Variants in C10orf71 observed in about 807,000 individuals in gnomAD.
C10orf71 encodes the protein chromosome 10 open reading frame 71.
For synonymous variants in C10orf71, 758 were observed against 726.3 expected (o/e 1.04, Z -0.70); for missense variants, 1,869 against 1,804.5 (o/e 1.04, Z -0.65).
intron 1 of C10orf71, among the ~76,000 whole-genome samples, chr10:49,307,109 T>G (rs1848827684): frequency 6.6e-6 from 1 of 152,232 alleles, no homozygotes; most frequent in Non-Finnish European, 1.5e-5. Context: ...TGGGATCACA[T>G]GCTCTCCCTT....
At position 49,325,182 on chromosome 10, in the gene C10orf71, G is replaced by A. The variant is rs1564692286; in HGVS notation, c.2637G>A (p.Met879Ile). Reference sequence around the variant, plus strand: ...TCATGCTGCCTCTCCTGAGGACCATGTCCTTGGAGGACTCCCTCAGCAGTG... The same window carrying A: ...TCATGCTGCCTCTCCTGAGGACCATATCCTTGGAGGACTCCCTCAGCAGTG... ...KPIMLPLLRT[M>I]SLEDSLSSGH... Residue 879 changes from methionine (M) to isoleucine (I), a missense_variant, in exon 3 of 3, where the codon ATG becomes ATA. Transcript: ENST00000374144. 3 of 1,552,096 alleles carry A rather than the reference G, an allele frequency of 1.9e-6. No individual in the cohort carries two copies. The highest frequency in any genetic ancestry group is 1.2e-5 in the South Asian group (1 of 84,066).
Position 49,326,924 on chromosome 10 carries a change from AACAC to A in C10orf71, c.*106_*109del. 2.4e-3 allele frequency: 2,531 copies of A among 1,046,064 alleles called. 9 individuals are homozygous for A. The South Asian group carries it at 0.031, about 13-fold the overall frequency. The allele number at this position is 1,046,064 out of a possible 1,614,324, so 64.8% of individuals were successfully genotyped here. A position where few individuals can be genotyped will look rare whatever the true frequency, so the allele number is the denominator to read the frequency against. On this transcript the variant is annotated 3_prime_UTR_variant, in exon 3 of 3. Transcript: ENST00000374144. ...TACTTCCCCCTCCCCCAAAACAAGC[AACAC>A]ACACACACACACACACACACACACA...
At position 49,326,653 on chromosome 10, in the gene C10orf71, G is replaced by A. The variant is rs1849258898; in HGVS notation, c.4108G>A (p.Ala1370Thr). ...FLRQGPRASA[A>T]RARTQSVHES... Reference sequence around the variant, plus strand: ...CAGGCAGGGCCCTCGTGCCTCCGCGGCCCGCGCCAGGACCCAGAGTGTCCA... The same window carrying A: ...CAGGCAGGGCCCTCGTGCCTCCGCGACCCGCGCCAGGACCCAGAGTGTCCA... Residue 1370 changes from alanine to threonine, a missense_variant, in exon 3 of 3, where the codon GCC (alanine) becomes ACC (threonine). Transcript: ENST00000374144. 2.6e-6 allele frequency: 4 copies of A among 1,550,200 alleles called. No homozygotes were observed. The highest frequency in any genetic ancestry group is 3.5e-6 in the Non-Finnish European group (4 of 1,146,900).
chr10:49,310,253 G>A (rs1463970463), intron 1 of C10orf71, among the ~76,000 whole-genome samples: 1 of 152,216 alleles, frequency 6.6e-6, no homozygotes, highest in Admixed American at 6.5e-5. Context: ...ATGTCTGGGA[G>A]AACTCAGCTG....
At chr10:49,322,348 T>G in intron 2 of C10orf71, 54 bp from the exon 3 acceptor site, 1 of 571,760 alleles carries the variant, frequency 1.7e-6, no homozygotes, top group Non-Finnish European at 3.0e-6. Context: ...CCAGCACATA[T>G]TCTTGTGTAG....
At chr10:49,309,530 A>G (rs575593454) in intron 1 of C10orf71, among the ~76,000 whole-genome samples, 2 of 152,324 alleles carry the variant, frequency 1.3e-5, no homozygotes, top group East Asian at 3.9e-4. Context: ...CTAGCCTATG[A>G]TATTTTAGTT....
At position 49,322,575 on chromosome 10, in the gene C10orf71, C is replaced by G. The variant is rs79335650; in HGVS notation, c.30C>G (p.Asp10Glu). ...TGCAAGGAAATAAGAAGTGCACAGACGCGTTCAGCGACTCCTCCAGCATCG... is the reference window on the plus strand; with the variant it reads ...TGCAAGGAAATAAGAAGTGCACAGAGGCGTTCAGCGACTCCTCCAGCATCG... The part of the protein sequence containing the change: MMQGNKKCT[D>E]AFSDSSSIGS... Residue 10 changes from aspartate (D) to glutamate (E), a missense_variant, in exon 3 of 3, where the codon GAC becomes GAG. Asp to Glu is a conservative substitution (Grantham distance 45). Coordinates refer to ENST00000374144, the MANE Select transcript of C10orf71 (RefSeq NM_001135196.2). 5.0e-6 allele frequency: 8 copies of G among 1,611,176 alleles called. No homozygotes were observed. Among genetic ancestry groups the G allele is most frequent in the African/African-American group, 1.3e-5 (1 of 74,872 alleles).
At position 49,325,621 on chromosome 10, in the gene C10orf71, G is replaced by T. The variant is rs1236867587; in HGVS notation, c.3076G>T (p.Glu1026Ter). Residue 1026 changes from glutamate (E) to a stop codon, truncating the protein, a stop_gained, in exon 3 of 3, where the codon GAG becomes TAG. Transcript: ENST00000374144. LOFTEE classifies it low-confidence loss of function (END_TRUNC). ...PPWQPENCWE[E>*]QTPGFKSHFL... ...ATGGCAGCCCGAAAACTGTTGGGAAGAGCAAACACCAGGTTTCAAGAGTCA... is the reference window on the plus strand; with the variant it reads ...ATGGCAGCCCGAAAACTGTTGGGAATAGCAAACACCAGGTTTCAAGAGTCA... The T allele has an allele frequency of 1.9e-6, 3 of 1,552,022 alleles. No homozygotes were observed. Among genetic ancestry groups the T allele is most frequent in the African/African-American group, 2.7e-5 (2 of 73,068 alleles).
In C10orf71 at chr10:49,326,594, G is replaced by A. The variant is rs1287157255; in HGVS notation, c.4049G>A (p.Arg1350His). 1 of 1,550,404 alleles carries A rather than the reference G, an allele frequency of 6.4e-7. No homozygotes were observed. Among genetic ancestry groups the A allele is most frequent in the South Asian group, 1.2e-5 (1 of 84,044 alleles). Residue 1350 changes from arginine (R) to histidine (H), a missense_variant, in exon 3 of 3, where the codon CGC (arginine) becomes CAC (histidine). Coordinates refer to ENST00000374144, the MANE Select transcript of C10orf71 (RefSeq NM_001135196.2). ...CCCGTGACGGCCTTGATGCCGCTGC[G>A]CTGCTCCTCTCAGCTCTCCGCGCCC... ...PVPVTALMPL[R>H]CSSQLSAPTF...
At chr10:49,312,433 A>G (rs1282962135) in intron 1 of C10orf71, among the ~76,000 whole-genome samples, 3 of 152,250 alleles carry the variant, frequency 2.0e-5, no homozygotes. Flanking sequence ...GCCTGGAGGC[A>G]GAGGGCAAAG....
rs112377810 is a variant in C10orf71, at chr10:49,304,283, C to T, written c.-248+5050C>T. On this transcript the variant is annotated intron_variant, in intron 1 of 2. Coordinates refer to ENST00000374144, the MANE Select transcript of C10orf71 (RefSeq NM_001135196.2). Reference sequence around the variant, plus strand: ...TCTGCCTCACTGCATTCTGGAGAGACCTGGCCCTGAATCCTGGCTCTGTTG... The same window carrying T: ...TCTGCCTCACTGCATTCTGGAGAGATCTGGCCCTGAATCCTGGCTCTGTTG... Among the ~76,000 whole-genome samples the T allele has an allele frequency of 6.4e-3, 981 of 152,328 alleles. 14 individuals carry two copies. The highest frequency in any genetic ancestry group is 0.023 in the African/African-American group (948 of 41,568).
chr10:49,302,056 A>C (rs1240133304), intron 1 of C10orf71, among the ~76,000 whole-genome samples: 1 of 152,148 alleles, frequency 6.6e-6, no homozygotes, highest in African/African-American at 2.4e-5. Context: ...GAAGGATTTC[A>C]TCTGGGATAT....
chr10:49,317,038 C>T (rs139407027), intron 2 of C10orf71, among the ~76,000 whole-genome samples: 2 of 152,284 alleles, frequency 1.3e-5, no homozygotes, highest in African/African-American at 2.4e-5. Flanking sequence ...TCCAACTAAC[C>T]GATTTTCATC....
At chr10:49,299,971 C>A (rs188342783) in intron 1 of C10orf71, among the ~76,000 whole-genome samples, 5 of 152,248 alleles carry the variant, frequency 3.3e-5, no homozygotes, top group Non-Finnish European at 7.3e-5. Flanking sequence ...TTCTTACACA[C>A]CCTGGGAGGG....
chr10:49,314,848 T>C (rs1848972863), intron 1 of C10orf71, among the ~76,000 whole-genome samples: 2 of 152,200 alleles, frequency 1.3e-5, no homozygotes, highest in African/African-American at 4.8e-5. Flanking sequence ...TGCCTCAGTT[T>C]GCCCTCCAGG....
chr10:49,326,416 C>A lies in C10orf71; in HGVS notation c.3871C>A (p.Pro1291Thr), dbSNP rs1849248934. 1 of 1,550,462 alleles carries A rather than the reference C, an allele frequency of 6.4e-7. No homozygotes were observed. The highest frequency in any genetic ancestry group is 8.7e-7 in the Non-Finnish European group (1 of 1,146,884). The change falls in exon 3 of 3, where the codon CCA (proline) becomes ACA (threonine). Residue 1291 changes from proline to threonine, a missense_variant. Physicochemically the swap from Pro to Thr is conservative, Grantham distance 38. Transcript: ENST00000374144. ...CGGGGAGTACTTTGTCTTCGACTTGCCACTCCAGGTGAAAATCAAGACCTT... is the reference window on the plus strand; with the variant it reads ...CGGGGAGTACTTTGTCTTCGACTTGACACTCCAGGTGAAAATCAAGACCTT... ...QSGEYFVFDL[P>T]LQVKIKTFYD... is the part of the protein sequence containing the mutation.
Position 49,326,218 on chromosome 10 carries a change from A to C in C10orf71, c.3673A>C (p.Arg1225=). ...GACACAGCAAAGGCCGCTGTGCCCCAGAGAGAGGCCCCGACACAATTTCCC... is the reference window on the plus strand; with the variant it reads ...GACACAGCAAAGGCCGCTGTGCCCCCGAGAGAGGCCCCGACACAATTTCCC... The part of the protein sequence containing the change: ...EQTQQRPLCP[R]ERPRHNFPVV... Residue 1225 remains arginine, a synonymous_variant, in exon 3 of 3, where the codon AGA becomes CGA. Coordinates refer to ENST00000374144, the MANE Select transcript of C10orf71 (RefSeq NM_001135196.2). The C allele has an allele frequency of 6.4e-7, 1 of 1,551,002 alleles. No homozygotes were observed. The highest frequency in any genetic ancestry group is 1.2e-5 in the South Asian group (1 of 84,060).
At chr10:49,318,721 G>A (rs1377822660) in intron 2 of C10orf71, among the ~76,000 whole-genome samples, 1 of 152,214 alleles carries the variant, frequency 6.6e-6, no homozygotes, top group Non-Finnish European at 1.5e-5. Flanking sequence ...CAGCAGCTTT[G>A]AGCCTATGCC....
At chr10:49,313,614 T>C (rs569623898) in intron 1 of C10orf71, among the ~76,000 whole-genome samples, 1 of 152,076 alleles carries the variant, frequency 6.6e-6, no homozygotes, top group Admixed American at 6.5e-5. Context: ...ACCGTGGAGA[T>C]GGAGACTGGT....
Sources: gnomAD v4.1 joint callset for allele counts (sites outside exome capture counted in the v4.1 genomes callset) on GRCh38, gnomAD v4.1.1 for gene constraint, MANE v1.5 for transcripts, NCBI Gene and HGNC (gene_info 2026-07-23, HGNC 2026-07-21) for gene names.